Variants in MSRA observed in about 807,000 individuals in gnomAD.
MSRA encodes mitochondrial peptide methionine sulfoxide reductase.
A neutral mutation model predicts 31.3 loss-of-function variants in MSRA; 54 were observed. The ratio of observed to expected loss-of-function variants is 1.73; its 90% CI spans 1.39 to 2.17. MSRA has a LOEUF of 2.17. Among genes scored for constraint, MSRA ranks in the 30% most tolerant of loss-of-function variants. MSRA has a pLI of 0.00. For synonymous variants in MSRA, 169 were observed against 116.5 expected, an observed-to-expected ratio of 1.45 and a Z score of -2.90; for missense variants, 507 against 300.9, an observed-to-expected ratio of 1.69 and a Z score of -5.07.
At chr8:10,214,265 G>A (rs957683396) in intron 2 of MSRA, among the ~76,000 whole-genome samples, 6 of 152,156 alleles carry the variant, frequency 3.9e-5, no homozygotes, top group African/African-American at 1.4e-4. Flanking sequence ...GCCCGTGGCT[G>A]ACAGGAGCCC....
intron 1 of MSRA, among the ~76,000 whole-genome samples, chr8:10,174,979 T>C (rs1208816853): frequency 6.6e-6 from 1 of 152,190 alleles, no homozygotes; most frequent in African/African-American, 2.4e-5. Context: ...CACACAGCCA[T>C]CACTTCTGAA....
chr8:10,095,355 C>A (rs569304990), intron 1 of MSRA, among the ~76,000 whole-genome samples: 18 of 152,246 alleles, frequency 1.2e-4, no homozygotes, highest in African/African-American at 4.3e-4. Context: ...AGGTAGGATA[C>A]CATGAAATCT....
intron 1 of MSRA, among the ~76,000 whole-genome samples, chr8:10,190,593 T>C (rs189846780): frequency 6.6e-6 from 1 of 152,342 alleles, no homozygotes; most frequent in African/African-American, 2.4e-5. Context: ...CTGTCTTCCT[T>C]GGGCACTTTC....
chr8:10,415,074 C>T (rs1180254133), intron 5 of MSRA, among the ~76,000 whole-genome samples: 2 of 152,180 alleles, frequency 1.3e-5, no homozygotes, highest in Non-Finnish European at 2.9e-5. Flanking sequence ...GGAAACCATC[C>T]TGCGGGTGGA....
intron 1 of MSRA, among the ~76,000 whole-genome samples, chr8:10,129,250 A>G (rs1205946079): frequency 2.0e-5 from 3 of 152,078 alleles, no homozygotes; most frequent in East Asian, 1.9e-4. Context: ...CATGACTATC[A>G]TTGGTAGTGG....
intron 1 of MSRA, among the ~76,000 whole-genome samples, chr8:10,185,806 C>T (rs1273258647): frequency 6.6e-6 from 1 of 152,196 alleles, no homozygotes; most frequent in Non-Finnish European, 1.5e-5. Flanking sequence ...TTGCAAGGCT[C>T]AACTCTAATG....
intron 5 of MSRA, among the ~76,000 whole-genome samples, chr8:10,415,195 T>C (rs1168207282): frequency 1.3e-5 from 2 of 152,182 alleles, no homozygotes; most frequent in Admixed American, 6.5e-5. Context: ...CAGCCAGCCC[T>C]GTCCAGCCTG....
At chr8:10,251,410 T>C (rs1005966527) in intron 3 of MSRA, among the ~76,000 whole-genome samples, 8 of 152,134 alleles carry the variant, frequency 5.3e-5, no homozygotes, top group East Asian at 1.9e-4. Flanking sequence ...GTCAGTCTTA[T>C]TGTACTCATT....
intron 1 of MSRA, among the ~76,000 whole-genome samples, chr8:10,188,544 A>G (rs569648816): frequency 1.6e-4 from 24 of 152,228 alleles, no homozygotes; most frequent in Non-Finnish European, 2.9e-4. Flanking sequence ...GAGCACTTTC[A>G]CATTTATAGC....
intron 1 of MSRA, among the ~76,000 whole-genome samples, chr8:10,150,182 G>T (rs1447936195): frequency 2.0e-5 from 3 of 152,014 alleles, no homozygotes; most frequent in Non-Finnish European, 4.4e-5. Context: ...GTGCCTCGTG[G>T]CTTCTAGGAT....
intron 1 of MSRA, among the ~76,000 whole-genome samples, chr8:10,153,392 G>A (rs1249519507): frequency 1.3e-5 from 2 of 151,996 alleles, no homozygotes; most frequent in Non-Finnish European, 2.9e-5. Flanking sequence ...CGTGCCTGCT[G>A]TATACTTTCT....
intron 4 of MSRA, among the ~76,000 whole-genome samples, chr8:10,312,659 A>T (rs911837857): frequency 6.6e-5 from 10 of 152,366 alleles, no homozygotes; most frequent in Admixed American, 3.3e-4. Context: ...GCAAACTATT[A>T]GCAAACTGAA....
At chr8:10,185,240 A>G (rs996284644) in intron 1 of MSRA, among the ~76,000 whole-genome samples, 1 of 152,214 alleles carries the variant, frequency 6.6e-6, no homozygotes, top group African/African-American at 2.4e-5. Context: ...ATCAGTATGC[A>G]TCACGACTGG....
intron 1 of MSRA, among the ~76,000 whole-genome samples, chr8:10,100,232 C>T (rs1489733223): frequency 2.6e-5 from 4 of 152,100 alleles, no homozygotes; most frequent in East Asian, 3.9e-4. Flanking sequence ...TGTTGAACAT[C>T]GTCTTTCTGG....
intron 1 of MSRA, among the ~76,000 whole-genome samples, chr8:10,183,603 G>T (rs1398573524): frequency 6.6e-6 from 1 of 152,196 alleles, no homozygotes; most frequent in Non-Finnish European, 1.5e-5. Flanking sequence ...ACATTAGTAA[G>T]CAGAGAGTAG....
intron 2 of MSRA, among the ~76,000 whole-genome samples, chr8:10,232,093 C>A (rs530853482): frequency 9.2e-5 from 14 of 152,154 alleles, no homozygotes; most frequent in Admixed American, 3.9e-4. Flanking sequence ...GCCTAACTTT[C>A]TAGGATCCCA....
chr8:10,253,602 G>T (rs1410619801), intron 3 of MSRA, among the ~76,000 whole-genome samples: 1 of 152,178 alleles, frequency 6.6e-6, no homozygotes, highest in Non-Finnish European at 1.5e-5. Flanking sequence ...TATTCTCAAA[G>T]ACTTAGAAGG....
At chr8:10,147,342 G>T (rs1302273474) in intron 1 of MSRA, among the ~76,000 whole-genome samples, 2 of 152,146 alleles carry the variant, frequency 1.3e-5, no homozygotes, top group African/African-American at 4.8e-5. Context: ...AGGGAGTGTG[G>T]AGGGTCAGCT....
chr8:10,085,513 T>C (rs983055084), intron 1 of MSRA, among the ~76,000 whole-genome samples: 5 of 152,240 alleles, frequency 3.3e-5, no homozygotes, highest in African/African-American at 1.2e-4. Context: ...GACAGTGTCT[T>C]AGTCATCTCA....
Sources: allele counts gnomAD v4.1 joint callset (sites outside exome capture counted in the v4.1 genomes callset), GRCh38; gene constraint gnomAD v4.1.1; transcripts MANE v1.5; gene names NCBI Gene and HGNC (gene_info 2026-07-23, HGNC 2026-07-21).